Variants in COL4A5 observed in about 807,000 individuals in gnomAD.
COL4A5 encodes the protein collagen type IV alpha 5 chain, also known as collagen alpha-5(IV) chain.
In COL4A5, 26 loss-of-function variants were observed where a neutral mutation model predicts 130.2. That is an observed-to-expected ratio of 0.20 (90% CI 0.15 to 0.28). The LOEUF (loss-of-function observed/expected upper bound fraction) is 0.28. Ranked by LOEUF, COL4A5 falls within the 10% of genes least tolerant of loss-of-function variation. The probability of loss-of-function intolerance (pLI) is 1.00; values close to 1 mark genes in which losing one functional copy is unlikely to be tolerated. For missense variants in COL4A5, 1,131 were observed against 1,344.3 expected, an observed-to-expected ratio of 0.84 and a Z score of 2.48; for synonymous variants, 496 against 439.6, an observed-to-expected ratio of 1.13 and a Z score of -1.60.
At chrX:108,461,894 C>G (rs1284645987) in intron 1 of COL4A5, among the ~76,000 whole-genome samples, 1 of 111,859 alleles carries the variant, frequency 8.9e-6, no homozygotes, top group Non-Finnish European at 1.9e-5. Context: ...CACACCCAGC[C>G]TCTATAAAGA....
chrX:108,521,548 A>G (rs2065265338), intron 1 of COL4A5, among the ~76,000 whole-genome samples: 1 of 111,344 alleles, frequency 9.0e-6, no homozygotes, highest in Admixed American at 9.7e-5. Context: ...AACCTATTGC[A>G]CTGCATGTGA....
intron 36 of COL4A5, among the ~76,000 whole-genome samples, chrX:108,637,829 G>A (rs911772798): frequency 2.7e-5 from 3 of 109,875 alleles, no homozygotes; most frequent in Admixed American, 1.9e-4. Flanking sequence ...GGACCAGATG[G>A]CTACACTGGT....
In COL4A5 at chrX:108,670,622, T is replaced by C. The variant is rs1268623539; in HGVS notation, c.3799+386T>C. 7 of 332,862 alleles carry C rather than the reference T, an allele frequency of 2.1e-5. No individual in the cohort carries two copies. In the East Asian group the frequency reaches 6.4e-4, roughly 31 times the overall value. 27.4% of individuals were successfully genotyped at this position (332,862 alleles called of 1,213,427 possible). On this transcript the variant is annotated intron_variant, in intron 42 of 52. Coordinates refer to ENST00000328300, the MANE Select transcript of COL4A5 (RefSeq NM_033380.3). ...AAAAGGACATTCTTTTTTTAAACAA[T>C]AATATGTATTATCAGATCTTGAAAA...
At chrX:108,685,795 AG>A (rs2068531534) in intron 47 of COL4A5, among the ~76,000 whole-genome samples, 1 of 112,574 alleles carries the variant, frequency 8.9e-6, no homozygotes, top group Non-Finnish European at 1.9e-5. Flanking sequence ...CTGATTCTGA[AG>A]ACAAAGAGAG....
intron 30 of COL4A5, among the ~76,000 whole-genome samples, chrX:108,617,383 T>C (rs1437372711): frequency 8.9e-6 from 1 of 111,930 alleles, no homozygotes; most frequent in Non-Finnish European, 1.9e-5. Context: ...CAAAATATTC[T>C]ATACTGTTAT....
intron 3 of COL4A5, among the ~76,000 whole-genome samples, chrX:108,563,248 C>A (rs1247203592): frequency 9.0e-6 from 1 of 110,958 alleles, no homozygotes; most frequent in Non-Finnish European, 1.9e-5. Context: ...TTAACGAAAA[C>A]TCAGTGAGGT....
At chrX:108,605,844 A>C (rs1180308622) in intron 28 of COL4A5, among the ~76,000 whole-genome samples, 2 of 111,977 alleles carry the variant, frequency 1.8e-5, no homozygotes, top group Non-Finnish European at 3.8e-5. Context: ...TCTCTGTCCC[A>C]ATTCCATTAC....
At chrX:108,683,805 G>GT (rs1490268861) in intron 47 of COL4A5, among the ~76,000 whole-genome samples, 2 of 111,508 alleles carry the variant, frequency 1.8e-5, no homozygotes, top group Non-Finnish European at 3.8e-5. Flanking sequence ...AGACAATGAG[G>GT]TTTTCTAAAT....
chrX:108,476,492 T>C (rs192585560), intron 1 of COL4A5, among the ~76,000 whole-genome samples: 14 of 106,791 alleles, frequency 1.3e-4, no homozygotes, highest in Non-Finnish European at 1.9e-4. Flanking sequence ...TGTTGTGGTA[T>C]CAAATACTAG....
At chrX:108,603,394 A>G (rs2066675251) in intron 28 of COL4A5, among the ~76,000 whole-genome samples, 1 of 111,496 alleles carries the variant, frequency 9.0e-6, no homozygotes, top group African/African-American at 3.3e-5. Context: ...TATCAAAATA[A>G]AGTGAATCAC....
chrX:108,563,045 T>C (rs940735405), intron 3 of COL4A5, among the ~76,000 whole-genome samples: 1 of 111,253 alleles, frequency 9.0e-6, no homozygotes, highest in Non-Finnish European at 1.9e-5. Context: ...CAGAACCTCC[T>C]CATTTTGTAT....
chrX:108,671,782 C>T (rs191649754), intron 42 of COL4A5, among the ~76,000 whole-genome samples: 24 of 111,296 alleles, frequency 2.2e-4, no homozygotes, highest in South Asian at 7.6e-4. Context: ...GATCAGATAT[C>T]GGGGTGAAGG....
intron 45 of COL4A5, 49 bp downstream of exon 45, chrX:108,680,800 G>A: frequency 8.4e-7 from 1 of 1,186,903 alleles, no homozygotes; most frequent in Non-Finnish European, 1.1e-6. Flanking sequence ...ACTCCTCTGG[G>A]ACAAGATAGC....
At chrX:108,676,287 G>A (rs766205687) in intron 43 of COL4A5, among the ~76,000 whole-genome samples, 3 of 111,790 alleles carry the variant, frequency 2.7e-5, no homozygotes, top group Non-Finnish European at 5.6e-5. Context: ...GAGAGAAGGT[G>A]TAAATGCTAA....
chrX:108,581,872 G>GT (rs1393087318), intron 16 of COL4A5, among the ~76,000 whole-genome samples: 1 of 109,728 alleles, frequency 9.1e-6, no homozygotes, highest in African/African-American at 3.3e-5. Flanking sequence ...TTCCCATACA[G>GT]TTTTTTTGTG....
At chrX:108,633,058 C>G (rs1287908208) in intron 36 of COL4A5, among the ~76,000 whole-genome samples, 1 of 111,609 alleles carries the variant, frequency 9.0e-6, no homozygotes, top group Non-Finnish European at 1.9e-5. Flanking sequence ...TTGCAGATGA[C>G]ATGATTGTAT....
intron 36 of COL4A5, chrX:108,627,043 G>A (rs2067166381): frequency 2.9e-6 from 2 of 690,471 alleles, no homozygotes; most frequent in Non-Finnish European, 3.4e-6. Flanking sequence ...TTATTGAATT[G>A]TATGTAAGGA....
At chrX:108,445,281 C>T (rs143059730) in intron 1 of COL4A5, among the ~76,000 whole-genome samples, 2,567 of 111,395 alleles carry the variant, frequency 0.023, 30 homozygotes, top group Non-Finnish European at 0.037. Flanking sequence ...CCTACAATCC[C>T]GTGAGCACTG....
At chrX:108,517,482 G>A (rs764036819) in intron 1 of COL4A5, among the ~76,000 whole-genome samples, 37 of 111,716 alleles carry the variant, frequency 3.3e-4, no homozygotes, top group African/African-American at 9.4e-4. Context: ...TATCAAGGAC[G>A]TAAGCAGGTT....
Sources: allele counts gnomAD v4.1 joint callset (sites outside exome capture counted in the v4.1 genomes callset), GRCh38; gene constraint gnomAD v4.1.1; transcripts MANE v1.5; gene names NCBI Gene and HGNC (gene_info 2026-07-23, HGNC 2026-07-21).